RYR3: variants seen among roughly 807,000 people sequenced by gnomAD.
RYR3 encodes brain ryanodine receptor-calcium release channel.
RYR3 carries 207 observed loss-of-function variants against 584.3 expected under a neutral mutation model. That is an observed-to-expected ratio of 0.35 (90% confidence interval 0.32 to 0.40). The LOEUF (loss-of-function observed/expected upper bound fraction) is 0.40, where lower values mean the gene tolerates loss of function less well. RYR3 is among the 10% of genes least tolerant of loss of function. The probability of loss-of-function intolerance (pLI) is 1.00; values close to 1 mark genes in which losing one functional copy is unlikely to be tolerated. For synonymous variants in RYR3, 2,416 were observed against 2,248.5 expected (o/e 1.07, Z -2.11); for missense variants, 5,616 against 6,089.2 (o/e 0.92, Z 2.59).
At chr15:33,794,006 C>G (rs1403750228) in intron 67 of RYR3, among the ~76,000 whole-genome samples, 3 of 60,584 alleles carry the variant, frequency 5.0e-5, no homozygotes, top group African/African-American at 1.3e-4. Flanking sequence ...ATATAATACA[C>G]ATAAATATAT....
At chr15:33,318,692 C>T (rs1285737762) in intron 1 of RYR3, among the ~76,000 whole-genome samples, 2 of 152,138 alleles carry the variant, frequency 1.3e-5, no homozygotes, top group Admixed American at 1.3e-4. Flanking sequence ...GCTTGAGTTA[C>T]CTGGGAGAAA....
intron 49 of RYR3, among the ~76,000 whole-genome samples, chr15:33,738,136 A>T (rs561905620): frequency 6.6e-6 from 1 of 152,168 alleles, no homozygotes; most frequent in Non-Finnish European, 1.5e-5. Context: ...CACAGTGGCT[A>T]CTTTCAGAAG....
chr15:33,540,525 G>C (rs565273314), intron 6 of RYR3, among the ~76,000 whole-genome samples: 1 of 152,160 alleles, frequency 6.6e-6, no homozygotes, highest in Non-Finnish European at 1.5e-5. Context: ...GACATTTTAT[G>C]AGTTGGTGTT....
At chr15:33,551,634 T>G (rs1013328685) in intron 10 of RYR3, among the ~76,000 whole-genome samples, 2 of 152,210 alleles carry the variant, frequency 1.3e-5, no homozygotes, top group African/African-American at 4.8e-5. Flanking sequence ...ATGAGCTTCC[T>G]GTTCACATCT....
chr15:33,670,438 G>C lies in RYR3; in HGVS notation c.5742G>C (p.Glu1914Asp). Residue 1914 changes from glutamate (E) to aspartate (D), a missense_variant, in exon 38 of 104, where the codon GAG (glutamate) becomes GAC (aspartate). This residue lies in a region of RYR3 where 1,280 missense variants were observed against 1,426.2 expected (regional missense o/e 0.90). Transcript: ENST00000634891. ...TGCTAGGGGTTCCTTTGGAAGAAGA[G>C]GAAGAGGAGGAGGAGGACACCTCCT... The part of the protein sequence containing the change: ...LLHCGVPLEE[E>D]EEEEEDTSWT... 9 of 1,613,768 alleles carry C rather than the reference G, an allele frequency of 5.6e-6. No homozygotes were observed. The highest frequency in any genetic ancestry group is 7.6e-6 in the Non-Finnish European group (9 of 1,179,804).
intron 64 of RYR3, 32 bp from the exon 65 acceptor site, chr15:33,780,179 C>T (rs775227821): frequency 1.2e-6 from 2 of 1,607,120 alleles, no homozygotes; most frequent in African/African-American, 1.3e-5. Context: ...ATGTGGGGGG[C>T]CACACTTCTC....
rs530474595 is a variant in RYR3 at position 33,326,163 on chromosome 15, C to T, written c.51+15067C>T. On this transcript the variant is annotated intron_variant, in intron 1 of 103. Transcript: ENST00000634891. ...TGTTTTTTGTTTTCCCCAATGTCTACTGAACTAAATCAAAGCTACTATCTT... is the reference window on the plus strand; with the variant it reads ...TGTTTTTTGTTTTCCCCAATGTCTATTGAACTAAATCAAAGCTACTATCTT... Among the ~76,000 whole-genome samples, 3 of 152,236 alleles carry T rather than the reference C, an allele frequency of 2.0e-5. No homozygotes were observed. In the South Asian group the frequency reaches 6.2e-4, roughly 32 times the overall value.
chr15:33,667,870 TG>T (rs1566914470), intron 36 of RYR3, among the ~76,000 whole-genome samples: 1 of 152,064 alleles, frequency 6.6e-6, no homozygotes, highest in Non-Finnish European at 1.5e-5. Flanking sequence ...TAGATCAGCC[TG>T]GCCAACATGG....
intron 43 of RYR3, among the ~76,000 whole-genome samples, chr15:33,713,552 A>G (rs973243833): frequency 1.8e-4 from 27 of 152,206 alleles, no homozygotes; most frequent in Admixed American, 1.6e-3. Flanking sequence ...GCTAACACTT[A>G]TTGAGCATTT....
At chr15:33,793,313 A>G (rs903673715) in intron 67 of RYR3, among the ~76,000 whole-genome samples, 2 of 152,250 alleles carry the variant, frequency 1.3e-5, no homozygotes, top group Middle Eastern at 3.4e-3. Flanking sequence ...CTTTTGTGTA[A>G]GTTTCATTGA....
intron 5 of RYR3, among the ~76,000 whole-genome samples, chr15:33,534,406 GA>G (rs1595482790): frequency 6.6e-6 from 1 of 152,120 alleles, no homozygotes; most frequent in African/African-American, 2.4e-5. Context: ...CGTCTCGAAA[GA>G]AAAAAGTAGT....
intron 101 of RYR3, 92 bp from the exon 102 acceptor site, chr15:33,860,986 T>TCATTATCCTTCAA: frequency 9.6e-7 from 1 of 1,039,520 alleles, no homozygotes; most frequent in Non-Finnish European, 1.5e-6. Context: ...AAGAAAGTTT[T>TCATTATCCTTCAA]CATTATCCTT....
In RYR3 at chr15:33,669,717, G is replaced by A. The variant is rs886371421; in HGVS notation, c.5722+261G>A. On this transcript the variant is annotated intron_variant, in intron 37 of 103. Transcript: ENST00000634891. Reference sequence around the variant, plus strand: ...AGAGGAAACAGGGTTTCTAGCAAAAGAATGAAGACAACTGATCCTTATATA... The same window carrying A: ...AGAGGAAACAGGGTTTCTAGCAAAAAAATGAAGACAACTGATCCTTATATA... 1.8e-4 allele frequency among the ~76,000 whole-genome samples: 27 copies of A among 152,148 alleles called. 1 individual carries two copies. In the South Asian group the frequency reaches 4.4e-3, roughly 25 times the overall value.
At position 33,649,059 on chromosome 15, in the gene RYR3, G is replaced by A. The variant is rs767261715; in HGVS notation, c.3979-13G>A. On this transcript the variant is annotated splice_polypyrimidine_tract_variant and intron_variant, in intron 30 of 103. Transcript: ENST00000634891. ...CTGGGGGCCATTGACTCCCCTCTGC[G>A]GTCTCTCCACAGCAGTGCTACTACG... The A allele has an allele frequency of 8.1e-6, 13 of 1,602,586 alleles. No homozygotes were observed. The highest frequency in any genetic ancestry group is 1.3e-5 in the African/African-American group (1 of 74,696).
At chr15:33,522,104 A>C (rs1003798727) in intron 3 of RYR3, among the ~76,000 whole-genome samples, 3 of 150,692 alleles carry the variant, frequency 2.0e-5, no homozygotes, top group African/African-American at 7.3e-5. Flanking sequence ...AAAAAAAAAA[A>C]AAAAAAAAAC....
chr15:33,584,624 G>A, intron 15 of RYR3, 134 bp downstream of exon 15: 1 of 548,710 alleles, frequency 1.8e-6, no homozygotes, highest in Non-Finnish European at 3.2e-6. Context: ...AAATTAAAAA[G>A]AAATAGTCTT....
At chr15:33,711,180 C>T (rs988176537) in intron 43 of RYR3, among the ~76,000 whole-genome samples, 1 of 150,574 alleles carries the variant, frequency 6.6e-6, no homozygotes, top group African/African-American at 2.4e-5. Context: ...GTCATTTATT[C>T]ATTTTCACAT....
In RYR3 at chr15:33,728,987, A is replaced by AT; in HGVS notation, c.7169dup (p.Leu2390PhefsTer3). 1 of 1,613,950 alleles carries AT rather than the reference A, an allele frequency of 6.2e-7. No homozygotes were observed. The highest frequency in any genetic ancestry group is 8.5e-7 in the Non-Finnish European group (1 of 1,179,860). ...TTCTGCTCCACTTGCTGGAGGTTGGATTTTTACCTGACCTAAGAGCTTCTG... is the reference window on the plus strand; with the variant it reads ...TTCTGCTCCACTTGCTGGAGGTTGGATTTTTTACCTGACCTAAGAGCTTCTG... On this transcript the variant is annotated frameshift_variant, in exon 47 of 104. Transcript: ENST00000634891. LOFTEE classifies it high-confidence loss of function.
intron 1 of RYR3, among the ~76,000 whole-genome samples, chr15:33,435,062 C>T (rs1375531439): frequency 6.6e-6 from 1 of 152,040 alleles, no homozygotes. Context: ...CCTCATGATC[C>T]GCCCGCCTCG....
Sources: allele counts gnomAD v4.1 joint callset (sites outside exome capture counted in the v4.1 genomes callset), GRCh38; gene constraint gnomAD v4.1.1; regional missense constraint gnomAD v4.1.1; transcripts MANE v1.5; gene names NCBI Gene and HGNC (gene_info 2026-07-23, HGNC 2026-07-21).